Variants in NSMCE2 observed in about 807,000 individuals in gnomAD.
The protein encoded by NSMCE2 is E3 SUMO-protein ligase NSE2.
Under a neutral mutation model 23.8 loss-of-function variants are expected in NSMCE2, and 24 were observed. The observed-to-expected ratio is 1.01, with a 90% CI of 0.73 to 1.42. The LOEUF (loss-of-function observed/expected upper bound fraction) is 1.42. NSMCE2 is among the 40% of genes most tolerant of loss of function. NSMCE2 has a pLI of 0.00. For missense variants in NSMCE2, 284 were observed against 296.5 expected (o/e 0.96, Z 0.31); for synonymous variants, 92 against 94.1 (o/e 0.98, Z 0.13).
chr8:125,225,645 A>G (rs1236641021), intron 5 of NSMCE2, among the ~76,000 whole-genome samples: 1 of 152,150 alleles, frequency 6.6e-6, no homozygotes, highest in Non-Finnish European at 1.5e-5. Context: ...TCTGGGGTAT[A>G]TTTGTTTTTA....
At chr8:125,127,543 A>G (rs77300448) in intron 3 of NSMCE2, among the ~76,000 whole-genome samples, 2,180 of 152,298 alleles carry the variant, frequency 0.014, 62 homozygotes, top group African/African-American at 0.05. Flanking sequence ...AAGATTATGT[A>G]ATGTGTTACA....
At chr8:125,361,931 C>G (rs1450157667) in intron 7 of NSMCE2, among the ~76,000 whole-genome samples, 1 of 152,184 alleles carries the variant, frequency 6.6e-6, no homozygotes, top group East Asian at 1.9e-4. Context: ...GACCCAGATC[C>G]AGGAACTCCC....
chr8:125,365,726 A>G (rs1813754804), intron 7 of NSMCE2, among the ~76,000 whole-genome samples: 1 of 152,064 alleles, frequency 6.6e-6, no homozygotes, highest in Non-Finnish European at 1.5e-5. Flanking sequence ...GCATGGTGGC[A>G]GGCGCCTGTA....
chr8:125,209,945 A>G (rs1824260181), intron 5 of NSMCE2, among the ~76,000 whole-genome samples: 1 of 152,220 alleles, frequency 6.6e-6, no homozygotes, highest in Non-Finnish European at 1.5e-5. Flanking sequence ...TATTTTGTAA[A>G]CTGCAAAGTC....
At chr8:125,232,167 C>T (rs753066704) in intron 5 of NSMCE2, among the ~76,000 whole-genome samples, 3 of 152,050 alleles carry the variant, frequency 2.0e-5, no homozygotes, top group Non-Finnish European at 4.4e-5. Context: ...TCGAGGCTAG[C>T]CTGACCAACA....
At chr8:125,332,215 T>G (rs1338932938) in intron 5 of NSMCE2, among the ~76,000 whole-genome samples, 1 of 152,260 alleles carries the variant, frequency 6.6e-6, no homozygotes, top group African/African-American at 2.4e-5. Flanking sequence ...TCACCGATGC[T>G]AAGTCAAAAT....
At chr8:125,159,559 T>C (rs1243018873) in intron 4 of NSMCE2, among the ~76,000 whole-genome samples, 1 of 152,158 alleles carries the variant, frequency 6.6e-6, no homozygotes, top group African/African-American at 2.4e-5. Context: ...CTCCGTGATG[T>C]TCCACAGCAT....
intron 5 of NSMCE2, among the ~76,000 whole-genome samples, chr8:125,341,502 C>T (rs1830243065): frequency 6.6e-6 from 1 of 152,170 alleles, no homozygotes; most frequent in South Asian, 2.1e-4. Flanking sequence ...ACCAGTCACC[C>T]TGCCTTGCCC....
chr8:125,353,681 G>A (rs534716160), intron 5 of NSMCE2, among the ~76,000 whole-genome samples: 5 of 151,898 alleles, frequency 3.3e-5, no homozygotes, highest in South Asian at 2.1e-4. Flanking sequence ...TCAGGAGTTC[G>A]AGACCAGCGT....
At chr8:125,283,589 G>A (rs1329793666) in intron 5 of NSMCE2, among the ~76,000 whole-genome samples, 1 of 152,094 alleles carries the variant, frequency 6.6e-6, no homozygotes, top group African/African-American at 2.4e-5. Context: ...TAACCAACTG[G>A]AAACTGCTTA....
intron 5 of NSMCE2, among the ~76,000 whole-genome samples, chr8:125,247,202 G>T (rs552086858): frequency 4.0e-4 from 60 of 151,180 alleles, no homozygotes; most frequent in African/African-American, 1.4e-3. Context: ...GAGTAGTATC[G>T]TGTACCTGTA....
rs1241665716 is a variant in NSMCE2, at chr8:125,353,901, A to AT, written c.419-3318_419-3317insT. ...TCCGTCTCAAAAACTAAAAAATAAAAAATATATATATATATAATTTTATTG... is the reference window on the plus strand; with the variant it reads ...TCCGTCTCAAAAACTAAAAAATAAAATAATATATATATATATAATTTTATTG... On this transcript the variant is annotated intron_variant, in intron 5 of 7. Coordinates refer to ENST00000287437, the MANE Select transcript of NSMCE2 (RefSeq NM_173685.4). 9.0e-3 allele frequency among the ~76,000 whole-genome samples: 1,030 copies of AT among 113,832 alleles called. 8 individuals carry two copies. The highest frequency in any genetic ancestry group is 0.023 in the African/African-American group (913 of 38,854). The allele number at this position is 113,832 out of a possible 152,430, so 74.7% of individuals were successfully genotyped here. A position where few individuals can be genotyped will look rare whatever the true frequency, so the allele number is the denominator to read the frequency against.
intron 5 of NSMCE2, among the ~76,000 whole-genome samples, chr8:125,244,539 A>T (rs1036199678): frequency 1.2e-4 from 18 of 152,126 alleles, no homozygotes; most frequent in Non-Finnish European, 1.8e-4. Context: ...ATTGGCTTTT[A>T]AAAAAAATTC....
At chr8:125,297,542 T>G (rs1446727522) in intron 5 of NSMCE2, among the ~76,000 whole-genome samples, 7 of 151,826 alleles carry the variant, frequency 4.6e-5, no homozygotes, top group Non-Finnish European at 8.8e-5. Context: ...AAAACTAGGG[T>G]GAAATCTCTT....
At chr8:125,297,133 C>T (rs1382157151) in intron 5 of NSMCE2, among the ~76,000 whole-genome samples, 1 of 151,356 alleles carries the variant, frequency 6.6e-6, no homozygotes, top group African/African-American at 2.5e-5. Flanking sequence ...GTCATAATCA[C>T]ACACCCATTT....
intron 5 of NSMCE2, among the ~76,000 whole-genome samples, chr8:125,345,765 T>C (rs1830409862): frequency 6.6e-6 from 1 of 152,154 alleles, no homozygotes; most frequent in South Asian, 2.1e-4. Context: ...GTAGTCAGTC[T>C]GGGATGGATA....
intron 3 of NSMCE2, among the ~76,000 whole-genome samples, chr8:125,141,592 G>C (rs961608303): frequency 9.2e-5 from 14 of 152,166 alleles, no homozygotes; most frequent in Non-Finnish European, 1.9e-4. Flanking sequence ...AGGGTGCCTG[G>C]CACAGACTCA....
intron 5 of NSMCE2, among the ~76,000 whole-genome samples, chr8:125,222,442 G>C (rs1824905910): frequency 1.3e-5 from 2 of 152,144 alleles, no homozygotes; most frequent in South Asian, 4.1e-4. Context: ...TTCGTGCTGT[G>C]CAATAGATCA....
rs187360014 is a variant in NSMCE2, at chr8:125,264,594, A to T, written c.418+82338A>T. 3.3e-5 allele frequency among the ~76,000 whole-genome samples: 5 copies of T among 152,172 alleles called. No individual in the cohort carries two copies. The East Asian group carries it at 9.7e-4, about 29-fold the overall frequency. On this transcript the variant is annotated intron_variant, in intron 5 of 7. Coordinates refer to ENST00000287437, the MANE Select transcript of NSMCE2 (RefSeq NM_173685.4). ...GCTAATTTTTGTATTTTTAGTAGAG[A>T]TGGGGTGTTTCACCATGTTGGCCAG...
Sources: gnomAD v4.1 joint callset for allele counts (sites outside exome capture counted in the v4.1 genomes callset) on GRCh38, gnomAD v4.1.1 for gene constraint, MANE v1.5 for transcripts, NCBI Gene and HGNC (gene_info 2026-07-23, HGNC 2026-07-21) for gene names.